FGF13: variants seen among roughly 807,000 people sequenced by gnomAD.
The protein encoded by FGF13 is fibroblast growth factor homologous factor 2.
In FGF13, 2 loss-of-function variants were observed where a neutral mutation model predicts 19.5. That is an observed-to-expected ratio of 0.10 (90% CI 0.04 to 0.32). The LOEUF is 0.32. FGF13 is among the 10% of genes least tolerant of loss of function. FGF13 has a pLI of 1.00. For missense variants in FGF13, 113 were observed against 192.7 expected, an observed-to-expected ratio of 0.59 and a Z score of 2.45; for synonymous variants, 72 against 76.9, an observed-to-expected ratio of 0.94 and a Z score of 0.33.
At chrX:138,852,244 A>G (rs1002470661) in intron 3 of FGF13, among the ~76,000 whole-genome samples, 1 of 112,128 alleles carries the variant, frequency 8.9e-6, no homozygotes, top group Non-Finnish European at 1.9e-5. Flanking sequence ...GACCAAAAAG[A>G]GCCTGCATAG....
rs372856350 is a variant in FGF13 at position 138,767,329 on chromosome X, C to A, written c.218-58401G>T. Among the ~76,000 whole-genome samples, 48 of 111,882 alleles carry A rather than the reference C, an allele frequency of 4.3e-4. No homozygotes were observed. In the East Asian group the frequency reaches 0.012, roughly 27 times the overall value. On this transcript the variant is annotated intron_variant, in intron 3 of 6. Coordinates refer to the FGF13 transcript ENST00000436198. ...AGCCCATTTTGCAGAATATACTAAA[C>A]TTTGTTTCCAGGCATTCAATGATGC... is the stretch of plus-strand genomic sequence containing the variant.
intron 1 of FGF13, among the ~76,000 whole-genome samples, chrX:138,981,093 A>C (rs1422692188): frequency 2.7e-5 from 3 of 111,422 alleles, no homozygotes; most frequent in African/African-American, 9.8e-5. Context: ...ATGATGCCTT[A>C]AGAGTGGAAT....
intron 1 of FGF13, among the ~76,000 whole-genome samples, chrX:138,985,547 T>C (rs2091991594): frequency 8.9e-6 from 1 of 112,007 alleles, no homozygotes; most frequent in Non-Finnish European, 1.9e-5. Flanking sequence ...ATTGAGAAGA[T>C]GAGATATATC....
intron 1 of FGF13, among the ~76,000 whole-genome samples, chrX:139,053,621 T>A (rs1603162844): frequency 9.0e-6 from 1 of 111,426 alleles, no homozygotes; most frequent in East Asian, 2.8e-4. Flanking sequence ...TCTTACTGAT[T>A]GGTTTGAGTT....
chrX:139,095,464 C>A (rs1163929142), intron 1 of FGF13, among the ~76,000 whole-genome samples: 1 of 111,771 alleles, frequency 8.9e-6, no homozygotes, highest in Non-Finnish European at 1.9e-5. Context: ...AGGTGTTTGA[C>A]AAATAGCTGA....
rs765420702 is a variant in FGF13, at chrX:138,628,689, T to C, written c.*4161A>G. Reference sequence around the variant, plus strand: ...TAGATGAAGAGATATTCATTTTCCCTCATATGTTCATTTGGACAATGGATG... The same window carrying C: ...TAGATGAAGAGATATTCATTTTCCCCCATATGTTCATTTGGACAATGGATG... On this transcript the variant is annotated 3_prime_UTR_variant, in exon 5 of 5. Transcript: ENST00000315930. 4 of 112,414 alleles carry C rather than the reference T, an allele frequency of 3.6e-5. No homozygotes were observed. The East Asian group carries it at 8.5e-4, about 24-fold the overall frequency. The allele number at this position is 112,414 out of a possible 1,213,427, so 9.3% of individuals were successfully genotyped here. A position where few individuals can be genotyped will look rare whatever the true frequency, so the allele number is the denominator to read the frequency against.
At chrX:138,787,215 C>G (rs1204704640) in intron 3 of FGF13, among the ~76,000 whole-genome samples, 2 of 112,599 alleles carry the variant, frequency 1.8e-5, no homozygotes, top group Non-Finnish European at 3.8e-5. Context: ...AGCCCTTAAT[C>G]AGCCAGATGG....
chrX:138,713,127 G>A (rs2090070356), upstream of FGF13, among the ~76,000 whole-genome samples: 1 of 112,475 alleles, frequency 8.9e-6, no homozygotes, highest in Admixed American at 9.4e-5. Flanking sequence ...TGATGCCAAA[G>A]GGTCTGACAT....
chrX:138,692,309 C>T (rs1048414682), intron 3 of FGF13, among the ~76,000 whole-genome samples: 1 of 110,141 alleles, frequency 9.1e-6, no homozygotes, highest in Non-Finnish European at 1.9e-5. Context: ...AAATCAGTTA[C>T]TAATTAATGA....
At chrX:138,738,450 C>T in intron 1 of FGF13, among the ~76,000 whole-genome samples, 1 of 111,712 alleles carries the variant, frequency 9.0e-6, no homozygotes, top group East Asian at 2.9e-4. Context: ...GTAAAAACTT[C>T]CCATTAAAAA....
chrX:138,842,884 A>G (rs2091158993), intron 3 of FGF13, among the ~76,000 whole-genome samples: 1 of 111,614 alleles, frequency 9.0e-6, no homozygotes, highest in African/African-American at 3.3e-5. Context: ...CTGAAGGAAA[A>G]ATAAATATCT....
chrX:139,141,450 C>T (rs766166299), intron 1 of FGF13, among the ~76,000 whole-genome samples: 85 of 111,922 alleles, frequency 7.6e-4, no homozygotes, highest in Non-Finnish European at 1.3e-3. Flanking sequence ...TTAATGACTT[C>T]CCACTGCTGT....
At chrX:138,712,463 CTAACT>C (rs1296861834), upstream of FGF13, among the ~76,000 whole-genome samples, 2 of 111,293 alleles carry the variant, frequency 1.8e-5, no homozygotes, top group East Asian at 2.9e-4. Flanking sequence ...CTCTAATCTC[CTAACT>C]TATTTTTTTC....
intron 1 of FGF13, among the ~76,000 whole-genome samples, chrX:139,064,281 CTTTTTTTTTTTTT>C (rs139084376): frequency 1.7e-4 from 4 of 23,158 alleles, no homozygotes; most frequent in South Asian, 6.1e-3. Context: ...CTTTTTTTTT[CTTTTTTTTTTTTT>C]TTTTTTTTTT....
At chrX:138,966,612 G>A (rs1332728624) in intron 1 of FGF13, among the ~76,000 whole-genome samples, 1 of 111,914 alleles carries the variant, frequency 8.9e-6, no homozygotes, top group Non-Finnish European at 1.9e-5. Context: ...CAGGCTCATA[G>A]GCAGAAAGGA....
chrX:138,828,340 G>A (rs969389949), intron 3 of FGF13, among the ~76,000 whole-genome samples: 11 of 110,361 alleles, frequency 1.0e-4, no homozygotes, highest in African/African-American at 2.3e-4. Flanking sequence ...AGGCCGAGGC[G>A]GGCGGATCAC....
At chrX:139,092,714 T>C (rs2083446540) in intron 1 of FGF13, among the ~76,000 whole-genome samples, 1 of 111,974 alleles carries the variant, frequency 8.9e-6, no homozygotes, top group Admixed American at 9.5e-5. Flanking sequence ...CCCTGATTAA[T>C]TCTCCACCAT....
At chrX:139,080,515 T>G (rs2083363649) in intron 1 of FGF13, among the ~76,000 whole-genome samples, 1 of 111,833 alleles carries the variant, frequency 8.9e-6, no homozygotes, top group East Asian at 2.8e-4. Flanking sequence ...CAGGCTCCTG[T>G]CTTCCTCTGT....
chrX:138,884,131 G>A lies in FGF13; in HGVS notation c.-112-19481C>T, dbSNP rs185355857. The stretch of plus-strand genomic sequence containing the variant: ...AGTATTAATTAAGGCAAGAGACAGG[G>A]CAATTCACACCATTTGGACTACTAC... On this transcript the variant is annotated intron_variant, in intron 1 of 2. Coordinates refer to the FGF13 transcript ENST00000421460. Among the ~76,000 whole-genome samples the A allele has an allele frequency of 5.4e-5, 6 of 111,822 alleles. No homozygotes were observed. In the East Asian group the frequency reaches 1.7e-3, roughly 31 times the overall value.
Sources: gnomAD v4.1 joint callset for allele counts (sites outside exome capture counted in the v4.1 genomes callset) on GRCh38, gnomAD v4.1.1 for gene constraint, MANE v1.5 for transcripts, NCBI Gene and HGNC (gene_info 2026-07-23, HGNC 2026-07-21) for gene names.